Variants in LRRC58 observed in about 807,000 individuals in gnomAD.
LRRC58 encodes leucine-rich repeat-containing protein 58.
LRRC58 carries 18 observed loss-of-function variants against 30.6 expected under a neutral mutation model. That is an observed-to-expected ratio of 0.59 (90% CI 0.41 to 0.87). The LOEUF is 0.87. Ranked by LOEUF, LRRC58 falls within the 40% of genes least tolerant of loss-of-function variation. The pLI, the probability that LRRC58 is intolerant of heterozygous loss-of-function variation, is 0.00. For synonymous variants in LRRC58, 221 were observed against 206.0 expected (o/e 1.07, Z -0.62); for missense variants, 420 against 468.4 (o/e 0.90, Z 0.95).
chr3:120,347,379 CTTT>C (rs796116731), intron 1 of LRRC58, among the ~76,000 whole-genome samples: 1,245 of 54,794 alleles, frequency 0.023, 17 homozygotes, highest in African/African-American at 0.062. Context: ...GGCCAATATT[CTTT>C]TTTTTTTTTT....
chr3:120,348,836 A>G lies in LRRC58; in HGVS notation c.408T>C (p.Pro136=). 2 of 1,605,664 alleles carry G rather than the reference A, an allele frequency of 1.2e-6. No homozygotes were observed. Among genetic ancestry groups the G allele is most frequent in the Non-Finnish European group, 1.7e-6 (2 of 1,176,808 alleles). ...NLSGNCFQEV[P]ASLLELRALQ... is the part of the protein sequence containing the mutation. ...GCGCGCGCAGCTCTAAGAGCGAGGC[A>G]GGCACCTCCTGGAAACAGTTGCCGC... Residue 136 remains proline, a synonymous_variant, in exon 1 of 4, where the codon CCT becomes CCC. Transcript: ENST00000295628.
rs1181982790 is a variant in LRRC58, at chr3:120,348,969, C to A, written c.275G>T (p.Gly92Val). 6.5e-7 allele frequency: 1 copy of A among 1,538,262 alleles called. No homozygotes were observed. The highest frequency in any genetic ancestry group is 2.5e-5 in the East Asian group (1 of 40,424). The change falls in exon 1 of 4, where the codon GGC becomes GTC. Residue 92 changes from glycine to valine, a missense_variant. Around this residue, in one of 2 missense-constraint regions of LRRC58, gnomAD observed 266 missense variants for 251.7 expected, o/e 1.06. Coordinates refer to ENST00000295628, the MANE Select transcript of LRRC58 (RefSeq NM_001099678.2). ...GTTCTTGGCCAGCAGCGTGCGCAGG[C>A]CGCGCAGAGCGAGCAGCTCCGGCCC... is the stretch of plus-strand genomic sequence containing the variant. ...ALGPELLALR[G>V]LRTLLAKNNR...
In LRRC58 at chr3:120,326,530, T is replaced by A. The variant is rs571395251; in HGVS notation, c.*4670A>T. 1.3e-5 allele frequency: 2 copies of A among 152,190 alleles called. No homozygotes were observed. The highest frequency in any genetic ancestry group is 4.1e-4 in the South Asian group (2 of 4,834). 9.4% of individuals were successfully genotyped at this position (152,190 alleles called of 1,614,324 possible). A position where few individuals can be genotyped will look rare whatever the true frequency, so the allele number is the denominator to read the frequency against. On this transcript the variant is annotated 3_prime_UTR_variant, in exon 4 of 4. Transcript: ENST00000295628. ...AGGGCATAGCACTTAATATGGAAAC[T>A]GGGACATTCAATACAGAAGGAATCA...
chr3:120,335,078 T>C lies in LRRC58; in HGVS notation c.691A>G (p.Ile231Val), dbSNP rs1290077498. The change falls in exon 3 of 4, where the codon ATC (isoleucine) becomes GTC (valine). Residue 231 changes from isoleucine to valine, a missense_variant. Around this residue, in one of 2 missense-constraint regions of LRRC58, gnomAD observed 154 missense variants for 216.8 expected, o/e 0.71. Transcript: ENST00000295628. ...NNLLTYLPRE[I>V]LNLIHLEELS... ...TCTTCCAAATGAATAAGGTTGAGGA[T>C]CTCTCGAGGCAGATATGTCAGCAAG... The C allele has an allele frequency of 1.2e-5, 20 of 1,613,812 alleles. No homozygotes were observed. The highest frequency in any genetic ancestry group is 1.7e-5 in the Non-Finnish European group (20 of 1,179,864).
At position 120,326,765 on chromosome 3, in the gene LRRC58, T is replaced by C. The variant is rs1270923562; in HGVS notation, c.*4435A>G. 1 of 152,220 alleles carries C rather than the reference T, an allele frequency of 6.6e-6. No individual in the cohort carries two copies. The highest frequency in any genetic ancestry group is 1.5e-5 in the Non-Finnish European group (1 of 68,036). The allele number at this position is 152,220 out of a possible 1,614,324, so 9.4% of individuals were successfully genotyped here. A position where few individuals can be genotyped will look rare whatever the true frequency, so the allele number is the denominator to read the frequency against. ...TAAATGCAGCTTAACTAACCTCATATATACATAATATAACCGATAGTTTTG... is the reference window on the plus strand; with the variant it reads ...TAAATGCAGCTTAACTAACCTCATACATACATAATATAACCGATAGTTTTG... On this transcript the variant is annotated 3_prime_UTR_variant, in exon 4 of 4. Transcript: ENST00000295628.
Position 120,349,135 on chromosome 3 carries a change from C to A in LRRC58, c.109G>T (p.Glu37Ter). Residue 37 changes from glutamate (E) to a stop codon, truncating the protein, a stop_gained, in exon 1 of 4, where the codon GAG becomes TAG. Coordinates refer to ENST00000295628, the MANE Select transcript of LRRC58 (RefSeq NM_001099678.2). LOFTEE classifies it high-confidence loss of function. ...GCCTCCCGCGCCCCGCGCCGCTCCT[C>A]CCCCCGCGCCTCCAGCTCAGACTCC... ...TLESELEARGEERRGAREALL... is the reference protein window; with the variant it reads ...TLESELEARG The A allele has an allele frequency of 1.3e-6, 2 of 1,504,326 alleles. No individual in the cohort carries two copies. The highest frequency in any genetic ancestry group is 1.8e-6 in the Non-Finnish European group (2 of 1,135,028). The allele number at this position is 1,504,326 out of a possible 1,614,324, so 93.2% of individuals were successfully genotyped here.
chr3:120,346,253 T>A (rs141590854), intron 1 of LRRC58, among the ~76,000 whole-genome samples: 3 of 151,222 alleles, frequency 2.0e-5, no homozygotes, highest in African/African-American at 7.3e-5. Flanking sequence ...TGAAACTCCA[T>A]CTCAAAAAAA....
Position 120,333,335 on chromosome 3 carries a change from G to A in LRRC58, c.907+1527C>T, listed in dbSNP as rs566775840. On this transcript the variant is annotated intron_variant, in intron 3 of 3. Transcript: ENST00000295628. ...AAAGCATGAATTCAAAGGAGATTTA[G>A]ACTTTCAGGCCTGAGGGCCTGGTGT... 1.8e-4 allele frequency among the ~76,000 whole-genome samples: 27 copies of A among 152,334 alleles called. No homozygotes were observed. In the South Asian group the frequency reaches 5.6e-3, roughly 32 times the overall value.
intron 1 of LRRC58, among the ~76,000 whole-genome samples, chr3:120,337,153 T>G (rs1186015879): frequency 6.6e-6 from 1 of 152,172 alleles, no homozygotes; most frequent in African/African-American, 2.4e-5. Context: ...CTGGCAGATT[T>G]TAGAATATAA....
At chr3:120,334,291 T>A (rs1935802572) in intron 3 of LRRC58, among the ~76,000 whole-genome samples, 1 of 152,092 alleles carries the variant, frequency 6.6e-6, no homozygotes, top group Middle Eastern at 3.4e-3. Flanking sequence ...GATCACAAGG[T>A]CAGGAGATCA....
intron 1 of LRRC58, among the ~76,000 whole-genome samples, chr3:120,344,419 ACT>A (rs1054286104): frequency 2.6e-5 from 4 of 152,164 alleles, no homozygotes; most frequent in African/African-American, 9.7e-5. Context: ...TCAGTATGTG[ACT>A]CTAAATGTGG....
chr3:120,340,195 T>C (rs2107625149), intron 1 of LRRC58, among the ~76,000 whole-genome samples: 1 of 152,328 alleles, frequency 6.6e-6, no homozygotes, highest in African/African-American at 2.4e-5. Flanking sequence ...CTATCCTCTA[T>C]GTCTTAATAT....
Position 120,329,982 on chromosome 3 carries a change from A to C in LRRC58, c.*1218T>G, listed in dbSNP as rs189944566. On this transcript the variant is annotated 3_prime_UTR_variant, in exon 4 of 4. Transcript: ENST00000295628. ...ACAATATATTTAATAATTTTTTTCT[A>C]TTTTATTAATACTTTATTTTCAAAA... 1 of 151,878 alleles carries C rather than the reference A, an allele frequency of 6.6e-6. No individual in the cohort carries two copies. The highest frequency in any genetic ancestry group is 2.4e-5 in the African/African-American group (1 of 41,418). The allele number at this position is 151,878 out of a possible 1,614,324, so 9.4% of individuals were successfully genotyped here. A position where few individuals can be genotyped will look rare whatever the true frequency, so the allele number is the denominator to read the frequency against.
At position 120,335,024 on chromosome 3, in the gene LRRC58, C is replaced by T; in HGVS notation, c.745G>A (p.Val249Ile). 6.2e-7 allele frequency: 1 copy of T among 1,613,914 alleles called. No homozygotes were observed. The highest frequency in any genetic ancestry group is 8.5e-7 in the Non-Finnish European group (1 of 1,179,870). Residue 249 changes from valine (V) to isoleucine (I), a missense_variant, in exon 3 of 4, where the codon GTT (valine) becomes ATT (isoleucine). By Grantham distance (29) the Val-to-Ile change is conservative (BLOSUM62 3). This residue lies in a region of LRRC58 where 154 missense variants were observed against 216.8 expected (regional missense o/e 0.71). Coordinates refer to ENST00000295628, the MANE Select transcript of LRRC58 (RefSeq NM_001099678.2). ...ELSLRGNPLV[V>I]RFVRDLTYDP... The stretch of plus-strand genomic sequence containing the variant: ...TAGGTTAAATCTCTAACAAAACGAA[C>T]AACCAATGGATTTCCTCGTAAACTC...
In LRRC58 at chr3:120,325,731, C is replaced by T. The variant is rs954317987; in HGVS notation, c.*5469G>A. On this transcript the variant is annotated 3_prime_UTR_variant, in exon 4 of 4. Transcript: ENST00000295628. ...AAACCAGTGGCAAAATATGCTAAGC[C>T]TTACAATATCTTCATAAGATGCTAT... is the stretch of plus-strand genomic sequence containing the variant. 1 of 152,170 alleles carries T rather than the reference C, an allele frequency of 6.6e-6. No individual in the cohort carries two copies. The highest frequency in any genetic ancestry group is 6.5e-5 in the Admixed American group (1 of 15,276). The allele number at this position is 152,170 out of a possible 1,614,324, so 9.4% of individuals were successfully genotyped here. A position where few individuals can be genotyped will look rare whatever the true frequency, so the allele number is the denominator to read the frequency against.
At chr3:120,339,981 C>T (rs1935884389) in intron 1 of LRRC58, among the ~76,000 whole-genome samples, 1 of 152,150 alleles carries the variant, frequency 6.6e-6, no homozygotes, top group Non-Finnish European at 1.5e-5. Context: ...CTACCTCAGC[C>T]TCCCGAGTAG....
At chr3:120,348,685 C>T in intron 1 of LRRC58, 59 bp downstream of exon 1, 1 of 1,479,628 alleles carries the variant, frequency 6.8e-7, no homozygotes, top group African/African-American at 1.5e-5. Flanking sequence ...AGGCCCGGCG[C>T]CCCAGGGTTC....
Position 120,329,920 on chromosome 3 carries a change from A to T in LRRC58, c.*1280T>A, listed in dbSNP as rs1213908096. ...AATTTGGTAATTTCTAATAGCAATTAATTTGTGAAACTATTTTCCTGCTAT... is the reference window on the plus strand; with the variant it reads ...AATTTGGTAATTTCTAATAGCAATTTATTTGTGAAACTATTTTCCTGCTAT... On this transcript the variant is annotated 3_prime_UTR_variant, in exon 4 of 4. Coordinates refer to ENST00000295628, the MANE Select transcript of LRRC58 (RefSeq NM_001099678.2). The T allele has an allele frequency of 6.6e-6, 1 of 152,010 alleles. No individual in the cohort carries two copies. Among genetic ancestry groups the T allele is most frequent in the East Asian group, 1.9e-4 (1 of 5,196 alleles). 9.4% of individuals were successfully genotyped at this position (152,010 alleles called of 1,614,324 possible).
chr3:120,340,426 T>C (rs1377841453), intron 1 of LRRC58, among the ~76,000 whole-genome samples: 1 of 152,184 alleles, frequency 6.6e-6, no homozygotes, highest in Non-Finnish European at 1.5e-5. Flanking sequence ...ACTGATGAAG[T>C]TCCTTCCTTT....
Sources: allele counts gnomAD v4.1 joint callset (sites outside exome capture counted in the v4.1 genomes callset), GRCh38; gene constraint gnomAD v4.1.1; regional missense constraint gnomAD v4.1.1; transcripts MANE v1.5; gene names NCBI Gene and HGNC (gene_info 2026-07-23, HGNC 2026-07-21).